KIFC3: variants seen among roughly 807,000 people sequenced by gnomAD.
The protein encoded by KIFC3 is kinesin-like protein KIFC3.
Under a neutral mutation model 101.8 loss-of-function variants are expected in KIFC3, and 60 were observed. The observed-to-expected ratio is 0.59, with a 90% CI of 0.48 to 0.73. The LOEUF is 0.73. KIFC3 is among the 30% of genes least tolerant of loss of function. KIFC3 has a pLI of 0.00. For missense variants in KIFC3, 966 were observed against 1,137.1 expected, an observed-to-expected ratio of 0.85 and a Z score of 2.16; for synonymous variants, 476 against 482.7, an observed-to-expected ratio of 0.99 and a Z score of 0.18.
Position 57,798,234 on chromosome 16 carries a change from A to G in KIFC3, c.10T>C (p.Ser4Pro), listed in dbSNP as rs782568277. The part of the protein sequence containing the change: MVP[S>P]RRTWNLGATP... ...GCTCCCAGGTTCCACGTCCTGCGAG[A>G]GGGGACCATGGCCTGGGGCTCAGCA... The change falls in exon 2 of 20, where the codon TCT becomes CCT. Residue 4 changes from serine to proline, a missense_variant. Physicochemically the swap from Ser to Pro is moderately conservative, Grantham distance 74 (BLOSUM62 -1). Coordinates refer to ENST00000445690, the MANE Select transcript of KIFC3 (RefSeq NM_001130100.2). 6.4e-7 allele frequency: 1 copy of G among 1,551,992 alleles called. No homozygotes were observed.
chr16:57,811,561 A>G (rs1449216874), intron 1 of KIFC3, among the ~76,000 whole-genome samples: 3 of 152,012 alleles, frequency 2.0e-5, no homozygotes, highest in Non-Finnish European at 4.4e-5. Flanking sequence ...CATTTCTACA[A>G]AAACATTTAA....
intron 1 of KIFC3, chr16:57,798,573 T>C: frequency 1.4e-5 from 7 of 507,816 alleles, no homozygotes; most frequent in Non-Finnish European, 2.4e-5. Flanking sequence ...GCCTGGAGCC[T>C]GAGGACAAGC....
intron 1 of KIFC3, chr16:57,862,688 C>T (rs1435071050): frequency 2.5e-6 from 2 of 813,674 alleles, no homozygotes; most frequent in Non-Finnish European, 3.5e-6. Flanking sequence ...AACAGGCCTC[C>T]TCCTCCCATT....
At chr16:57,857,581 G>A (rs1047209909) in intron 1 of KIFC3, among the ~76,000 whole-genome samples, 5 of 151,230 alleles carry the variant, frequency 3.3e-5, no homozygotes, top group Non-Finnish European at 7.4e-5. Context: ...AGTGTGTGAC[G>A]TTCCCCTCCC....
chr16:57,841,119 C>T (rs1224242158), intron 1 of KIFC3, among the ~76,000 whole-genome samples: 2 of 152,036 alleles, frequency 1.3e-5, no homozygotes, highest in East Asian at 1.9e-4. Flanking sequence ...GAACAATAGA[C>T]GAAAATCAAA....
intron 1 of KIFC3, among the ~76,000 whole-genome samples, chr16:57,820,795 A>G (rs146801486): frequency 1.3e-3 from 201 of 152,292 alleles, no homozygotes; most frequent in African/African-American, 4.5e-3. Context: ...TCTTCAGTAG[A>G]TATTTGTTGA....
In KIFC3 at chr16:57,813,618, C is replaced by T. The variant is rs146220503; in HGVS notation, c.109-15336G>A. On this transcript the variant is annotated intron_variant, in intron 1 of 2. Coordinates refer to the KIFC3 transcript ENST00000563028. ...CCTGGGGTCAAACCTGCATGCCTGC[C>T]GAGTGCCTGCATGACAATAATTAGG... 652 of 913,432 alleles carry T rather than the reference C, an allele frequency of 7.1e-4. 16 individuals are homozygous for T. In the Admixed American group the frequency reaches 0.035, roughly 49 times the overall value. 56.6% of individuals were successfully genotyped at this position (913,432 alleles called of 1,614,324 possible).
At chr16:57,839,843 A>T (rs1351026082) in intron 1 of KIFC3, among the ~76,000 whole-genome samples, 1 of 152,116 alleles carries the variant, frequency 6.6e-6, no homozygotes, top group Non-Finnish European at 1.5e-5. Flanking sequence ...ATTCTTGAGC[A>T]ACTCATATTT....
intron 1 of KIFC3, among the ~76,000 whole-genome samples, chr16:57,845,145 C>A (rs1271420579): frequency 6.6e-6 from 1 of 152,166 alleles, no homozygotes; most frequent in Non-Finnish European, 1.5e-5. Flanking sequence ...GTTTCTCCTT[C>A]AGCCTTCTCA....
chr16:57,844,261 C>T (rs1015848792), intron 1 of KIFC3, among the ~76,000 whole-genome samples: 5 of 151,742 alleles, frequency 3.3e-5, no homozygotes, highest in Non-Finnish European at 7.4e-5. Flanking sequence ...GAAGCCCCAT[C>T]TCTACTAAAA....
chr16:57,764,210 A>G lies in KIFC3; in HGVS notation c.1550T>C (p.Ile517Thr), dbSNP rs782780953. 4.9e-6 allele frequency: 7 copies of G among 1,441,252 alleles called. No homozygotes were observed. Among genetic ancestry groups the G allele is most frequent in the East Asian group, 3.4e-5 (1 of 29,542 alleles). The allele number at this position is 1,441,252 out of a possible 1,614,324, so 89.3% of individuals were successfully genotyped here. ...QEVQALVTSC[I>T]DGFNVCIFAY... is the part of the protein sequence containing the mutation. ...AAAGATGCAGACATTGAAGCCATCA[A>G]TGCAAGAGGTGACCAGGGCCTGCAC... Residue 517 changes from isoleucine (I) to threonine (T), a missense_variant, in exon 12 of 20, where the codon ATT (isoleucine) becomes ACT (threonine). Physicochemically the swap from Ile to Thr is moderately conservative, Grantham distance 89. Around this residue, in one of 2 missense-constraint regions of KIFC3, gnomAD observed 689 missense variants for 884.6 expected, o/e 0.78. Coordinates refer to ENST00000445690, the MANE Select transcript of KIFC3 (RefSeq NM_001130100.2).
intron 1 of KIFC3, among the ~76,000 whole-genome samples, chr16:57,848,837 A>G (rs1181772947): frequency 5.3e-5 from 8 of 152,228 alleles, no homozygotes; most frequent in African/African-American, 1.9e-4. Context: ...ATAAATACAT[A>G]AAAATAAGGA....
chr16:57,818,772 C>T (rs528955882), intron 1 of KIFC3, among the ~76,000 whole-genome samples: 1 of 152,318 alleles, frequency 6.6e-6, no homozygotes, highest in East Asian at 1.9e-4. Context: ...GCTATTTGCC[C>T]AGCGTGGTCA....
intron 1 of KIFC3, among the ~76,000 whole-genome samples, chr16:57,824,064 C>T (rs922735091): frequency 1.3e-5 from 2 of 152,214 alleles, no homozygotes; most frequent in Non-Finnish European, 1.5e-5. Flanking sequence ...TTGCTGGTGG[C>T]AGGCTTCCAG....
intron 1 of KIFC3, among the ~76,000 whole-genome samples, chr16:57,829,329 C>T (rs1265627212): frequency 1.3e-5 from 2 of 152,202 alleles, no homozygotes; most frequent in Admixed American, 1.3e-4. Flanking sequence ...TCAGAGCTCA[C>T]TGCAGCCTCG....
At chr16:57,813,378 A>T (rs2055138177) in intron 1 of KIFC3, among the ~76,000 whole-genome samples, 1 of 151,954 alleles carries the variant, frequency 6.6e-6, no homozygotes, top group Admixed American at 6.6e-5. Flanking sequence ...AAATAAATAA[A>T]AGGAAAAGGA....
Position 57,762,233 on chromosome 16 carries a change from A to G in KIFC3, c.1655T>C (p.Leu552Pro). The change falls in exon 13 of 20, where the codon CTG becomes CCG. Residue 552 changes from leucine (L) to proline (P), a missense_variant. Physicochemically the swap from Leu to Pro is moderately conservative, Grantham distance 98. This residue lies in a region of KIFC3 where 689 missense variants were observed against 884.6 expected (regional missense o/e 0.78). Coordinates refer to ENST00000445690, the MANE Select transcript of KIFC3 (RefSeq NM_001130100.2). ...AENPGINQRA[L>P]QLLFSEVQEK... ...CTGCACCTCGGAGAAGAGCAGCTGCAGGGCCCGCTGGTTGATACCTGGGTT... is the reference window on the plus strand; with the variant it reads ...CTGCACCTCGGAGAAGAGCAGCTGCGGGGCCCGCTGGTTGATACCTGGGTT... 1.3e-6 allele frequency: 2 copies of G among 1,599,566 alleles called. No individual in the cohort carries two copies. The highest frequency in any genetic ancestry group is 1.7e-6 in the Non-Finnish European group (2 of 1,174,204).
intron 1 of KIFC3, among the ~76,000 whole-genome samples, chr16:57,814,822 A>G (rs1555628444): frequency 6.6e-6 from 1 of 152,140 alleles, no homozygotes; most frequent in African/African-American, 2.4e-5. Context: ...GTGTTTCACC[A>G]TGTTGCCCAG....
intron 11 of KIFC3, 42 bp downstream of exon 11, chr16:57,765,417 T>C: frequency 6.5e-7 from 1 of 1,531,688 alleles, no homozygotes; most frequent in East Asian, 2.4e-5. Context: ...CATCTTTCCC[T>C]CTCTCCCTTG....
Sources: allele counts gnomAD v4.1 joint callset (sites outside exome capture counted in the v4.1 genomes callset), GRCh38; gene constraint gnomAD v4.1.1; regional missense constraint gnomAD v4.1.1; transcripts MANE v1.5; gene names NCBI Gene and HGNC (gene_info 2026-07-23, HGNC 2026-07-21).